IRAG2: variants seen among roughly 807,000 people sequenced by gnomAD.
IRAG2 encodes lymphoid restricted membrane protein.
In IRAG2, 45 loss-of-function variants were observed where a neutral mutation model predicts 69.9. The observed-to-expected ratio is 0.64, with a 90% CI of 0.51 to 0.83. The LOEUF (loss-of-function observed/expected upper bound fraction) is 0.83. Among genes scored for constraint, IRAG2 ranks in the 40% least tolerant of loss-of-function variants. The probability of loss-of-function intolerance (pLI) is 0.00; values close to 1 mark genes in which losing one functional copy is unlikely to be tolerated. For missense variants in IRAG2, 520 were observed against 587.0 expected (o/e 0.89, Z 1.18); for synonymous variants, 193 against 202.4 (o/e 0.95, Z 0.40).
At chr12:25,060,999 T>C (rs1397770283) in intron 1 of IRAG2, among the ~76,000 whole-genome samples, 1 of 152,120 alleles carries the variant, frequency 6.6e-6, no homozygotes, top group Non-Finnish European at 1.5e-5. Context: ...GATTAGACAA[T>C]TCTGTGACTC....
chr12:25,091,272 C>T (rs1458228468), intron 14 of IRAG2, among the ~76,000 whole-genome samples: 1 of 152,158 alleles, frequency 6.6e-6, no homozygotes, highest in Admixed American at 6.5e-5. Flanking sequence ...CTCCTTACCC[C>T]ATCCCCTGGT....
chr12:25,041,662 G>GTTTTTTT (rs201257184), intron 16 of IRAG2, among the ~76,000 whole-genome samples: 2 of 102,732 alleles, frequency 1.9e-5, no homozygotes, highest in East Asian at 2.8e-4. Flanking sequence ...GCTAAGTTTT[G>GTTTTTTT]TTTTTTTTTG....
Position 25,101,290 on chromosome 12 carries a change from A to C in IRAG2, c.854A>C (p.Gln285Pro). 1 of 1,609,726 alleles carries C rather than the reference A, an allele frequency of 6.2e-7. No homozygotes were observed. The highest frequency in any genetic ancestry group is 8.5e-7 in the Non-Finnish European group (1 of 1,177,516). ...ELEELKQVLL[Q>P]NERSFNPLED... Reference sequence around the variant, plus strand: ...GAAGAACTGAAACAGGTTCTTCTGCAGAATGAAAGGTCTTTCAATCCTCTT... The same window carrying C: ...GAAGAACTGAAACAGGTTCTTCTGCCGAATGAAAGGTCTTTCAATCCTCTT... Residue 285 changes from glutamine (Q) to proline (P), a missense_variant, in exon 16 of 22, where the codon CAG becomes CCG. Transcript: ENST00000556887.
At chr12:25,069,044 G>C (rs1946165377) in intron 5 of IRAG2, among the ~76,000 whole-genome samples, 1 of 152,148 alleles carries the variant, frequency 6.6e-6, no homozygotes. Context: ...AAAAATGTCA[G>C]TGCATTTTGT....
intron 3 of IRAG2, chr12:25,011,561 G>C: frequency 8.2e-7 from 1 of 1,226,882 alleles, no homozygotes; most frequent in Non-Finnish European, 1.0e-6. Flanking sequence ...GGTAATCAGA[G>C]TCCTAGTGGG....
At chr12:25,068,659 G>A (rs906596074) in intron 5 of IRAG2, among the ~76,000 whole-genome samples, 3 of 152,008 alleles carry the variant, frequency 2.0e-5, no homozygotes, top group African/African-American at 4.8e-5. Flanking sequence ...GAAGATGCTC[G>A]TAATACTCAG....
chr12:25,041,672 G>GTT lies in IRAG2; in HGVS notation c.2144+3547_2144+3548dup, dbSNP rs71063390. Among the ~76,000 whole-genome samples, 624 of 134,866 alleles carry GTT rather than the reference G, an allele frequency of 4.6e-3. 8 individuals are homozygous for GTT. Among genetic ancestry groups the GTT allele is most frequent in the South Asian group, 0.044 (186 of 4,210 alleles). The allele number at this position is 134,866 out of a possible 152,430, so 88.5% of individuals were successfully genotyped here. A position where few individuals can be genotyped will look rare whatever the true frequency, so the allele number is the denominator to read the frequency against. On this transcript the variant is annotated intron_variant, in intron 16 of 38. Coordinates refer to the IRAG2 transcript ENST00000636465. The stretch of plus-strand genomic sequence containing the variant: ...GCTCCGCTAAGTTTTGTTTTTTTTT[G>GTT]TTTTTTTTTTTTTCAGTAGAGATGG...
intron 14 of IRAG2, among the ~76,000 whole-genome samples, chr12:25,094,249 G>C (rs1842752858): frequency 6.6e-6 from 1 of 151,772 alleles, no homozygotes; most frequent in African/African-American, 2.4e-5. Context: ...TCCATTTTGA[G>C]TTAATTTTCA....
chr12:25,020,478 ATCT>A (rs147081163), intron 6 of IRAG2, among the ~76,000 whole-genome samples: 3,137 of 152,282 alleles, frequency 0.021, 43 homozygotes, highest in East Asian at 0.077. Context: ...CTAACATTAC[ATCT>A]TCTTAGTAGG....
chr12:25,105,501 T>C (rs2140267564), intron 20 of IRAG2, among the ~76,000 whole-genome samples: 1 of 152,304 alleles, frequency 6.6e-6, no homozygotes, highest in African/African-American at 2.4e-5. Flanking sequence ...CTAAGGAATA[T>C]AAAGATGAGC....
At chr12:25,071,768 ATTAC>A (rs2140039670) in intron 6 of IRAG2, among the ~76,000 whole-genome samples, 1 of 151,926 alleles carries the variant, frequency 6.6e-6, no homozygotes, top group South Asian at 2.1e-4. Context: ...TTTAATCATA[ATTAC>A]TTAGCATTAC....
chr12:25,071,303 G>A (rs1470570140), intron 6 of IRAG2, among the ~76,000 whole-genome samples: 3 of 151,982 alleles, frequency 2.0e-5, no homozygotes, highest in Admixed American at 6.6e-5. Flanking sequence ...CCGAGATTGC[G>A]CCACTGCACT....
chr12:25,054,848 C>T (rs1945132069), intron 1 of IRAG2, among the ~76,000 whole-genome samples: 1 of 152,112 alleles, frequency 6.6e-6, no homozygotes, highest in Non-Finnish European at 1.5e-5. Context: ...TTAGATAGCA[C>T]GTATTTTCAA....
At chr12:25,042,679 A>T (rs1944759936) in intron 16 of IRAG2, among the ~76,000 whole-genome samples, 1 of 151,522 alleles carries the variant, frequency 6.6e-6, no homozygotes, top group Non-Finnish European at 1.5e-5. Context: ...GTTGGCCAGG[A>T]TGGTCTCGAT....
At chr12:25,070,289 C>T (rs1308738393) in intron 6 of IRAG2, among the ~76,000 whole-genome samples, 2 of 152,178 alleles carry the variant, frequency 1.3e-5, no homozygotes, top group East Asian at 3.8e-4. Context: ...CCCCAACCCC[C>T]AGCTGGAGGC....
At chr12:25,065,077 G>A (rs1393874127) in intron 4 of IRAG2, among the ~76,000 whole-genome samples, 1 of 142,746 alleles carries the variant, frequency 7.0e-6, no homozygotes, top group African/African-American at 2.6e-5. Flanking sequence ...GTGTCGCAGT[G>A]AGACTCAGTC....
Position 25,063,925 on chromosome 12 carries a change from G to A in IRAG2, c.-207+109G>A, listed in dbSNP as rs955789738. On this transcript the variant is annotated intron_variant, in intron 4 of 21. Transcript: ENST00000556887. ...TTGTATAGGAAGAATTGTTGAATAC[G>A]TGTATATTTACCCCTGAATTCAGTC... 4.8e-5 allele frequency: 19 copies of A among 396,396 alleles called. No individual in the cohort carries two copies. In the South Asian group the frequency reaches 9.2e-4, roughly 19 times the overall value. The allele number at this position is 396,396 out of a possible 1,614,324, so 24.6% of individuals were successfully genotyped here.
In IRAG2 at chr12:25,062,865, G is replaced by A. The variant is rs903041922; in HGVS notation, c.-339G>A. ...TCCTCACTATGATTCCCTGTCCTGC[G>A]CAGATGCAATTCAACAACCTCTTCA... On this transcript the variant is annotated 5_prime_UTR_variant, in exon 3 of 22. Coordinates refer to ENST00000556887, the MANE Select transcript of IRAG2 (RefSeq NM_001366544.2). The A allele has an allele frequency of 2.8e-5, 11 of 398,802 alleles. No individual in the cohort carries two copies. Among genetic ancestry groups the A allele is most frequent in the Middle Eastern group, 6.2e-4 (1 of 1,610 alleles). The allele number at this position is 398,802 out of a possible 1,614,324, so 24.7% of individuals were successfully genotyped here. A position where few individuals can be genotyped will look rare whatever the true frequency, so the allele number is the denominator to read the frequency against.
intron 7 of IRAG2, among the ~76,000 whole-genome samples, chr12:25,022,933 C>G (rs1450908260): frequency 6.6e-6 from 1 of 152,110 alleles, no homozygotes. Flanking sequence ...CGAGGCCAGC[C>G]TGGCCAACAT....
Sources: gnomAD v4.1 joint callset for allele counts (sites outside exome capture counted in the v4.1 genomes callset) on GRCh38, gnomAD v4.1.1 for gene constraint, MANE v1.5 for transcripts, NCBI Gene and HGNC (gene_info 2026-07-23, HGNC 2026-07-21) for gene names.